IPO11: variants seen among roughly 807,000 people sequenced by gnomAD.
The protein encoded by IPO11 is importin 11.
Under a neutral mutation model 143.2 loss-of-function variants are expected in IPO11, and 66 were observed. That is an observed-to-expected ratio of 0.46 (90% confidence interval 0.38 to 0.57). The LOEUF is 0.57. IPO11 is among the 20% of genes least tolerant of loss of function. The pLI, the probability that IPO11 is intolerant of heterozygous loss-of-function variation, is 0.00. For synonymous variants in IPO11, 385 were observed against 377.8 expected (o/e 1.02, Z -0.22); for missense variants, 1,026 against 1,141.0 (o/e 0.90, Z 1.45).
intron 27 of IPO11, among the ~76,000 whole-genome samples, chr5:62,563,965 A>AGGT (rs1267904660): frequency 6.6e-6 from 1 of 152,198 alleles, no homozygotes; most frequent in African/African-American, 2.4e-5. Context: ...AAAAGTTGTG[A>AGGT]GGTGGTAGCC....
chr5:62,515,389 T>C lies in IPO11; in HGVS notation c.1784T>C (p.Ile595Thr), dbSNP rs1741979492. 1 of 1,595,086 alleles carries C rather than the reference T, an allele frequency of 6.3e-7. No homozygotes were observed. The highest frequency in any genetic ancestry group is 1.4e-5 in the African/African-American group (1 of 73,922). ...SCVIERVNMQ[I>T]RPYVGCLVQY... ...TTTCCTCTACTTATATTGTAATAGA[T>C]ACGACCATATGTGGGATGTTTGGTA... The change falls in exon 20 of 30, where the codon ATA becomes ACA. Residue 595 changes from isoleucine (I) to threonine (T), a missense_variant and splice_region_variant. Ile to Thr is a moderately conservative substitution (Grantham distance 89, BLOSUM62 -1). This residue lies in a region of IPO11 where 237 missense variants were observed against 288.0 expected (regional missense o/e 0.82). Coordinates refer to ENST00000325324, the MANE Select transcript of IPO11 (RefSeq NM_016338.5).
chr5:62,433,152 T>G (rs931296051), intron 1 of IPO11, among the ~76,000 whole-genome samples: 6 of 149,298 alleles, frequency 4.0e-5, no homozygotes, highest in African/African-American at 7.3e-5. Context: ...TTTTGTTTTT[T>G]GTTTTTTTTT....
intron 20 of IPO11, among the ~76,000 whole-genome samples, chr5:62,524,687 C>T (rs1009892313): frequency 6.6e-6 from 1 of 152,090 alleles, no homozygotes; most frequent in East Asian, 1.9e-4. Flanking sequence ...AACATAAGTT[C>T]TGGAGATTTA....
chr5:62,507,643 TTA>T (rs1285820305), intron 19 of IPO11, among the ~76,000 whole-genome samples: 1 of 152,200 alleles, frequency 6.6e-6, no homozygotes, highest in African/African-American at 2.4e-5. Context: ...AAAAAGTTGA[TTA>T]TAAAAACAAG....
chr5:62,435,122 A>G (rs1357773728), intron 1 of IPO11, among the ~76,000 whole-genome samples: 2 of 108,816 alleles, frequency 1.8e-5, no homozygotes, highest in Non-Finnish European at 3.4e-5. Context: ...ATATATGTAT[A>G]TATGTATATA....
chr5:62,465,724 T>C (rs1745551024), intron 5 of IPO11, among the ~76,000 whole-genome samples: 1 of 152,254 alleles, frequency 6.6e-6, no homozygotes, highest in Admixed American at 6.5e-5. Context: ...ACACACAAGA[T>C]GAGGAAGGGC....
chr5:62,498,550 C>G (rs953883436), intron 16 of IPO11, among the ~76,000 whole-genome samples: 1 of 152,160 alleles, frequency 6.6e-6, no homozygotes, highest in Non-Finnish European at 1.5e-5. Context: ...TGTAGGGTTT[C>G]TGAACTAATT....
intron 6 of IPO11, among the ~76,000 whole-genome samples, chr5:62,468,909 A>C (rs899939154): frequency 6.6e-6 from 1 of 152,168 alleles, no homozygotes; most frequent in African/African-American, 2.4e-5. Flanking sequence ...CTGAATTTAC[A>C]CTTACGTGCA....
intron 1 of IPO11, among the ~76,000 whole-genome samples, chr5:62,417,476 C>T (rs1014384492): frequency 2.0e-5 from 3 of 151,966 alleles, no homozygotes; most frequent in African/African-American, 7.3e-5. Flanking sequence ...CTTGTTCGTT[C>T]TTGAAATTTT....
At position 62,515,722 on chromosome 5, in the gene IPO11, A is replaced by C. The variant is rs556968398; in HGVS notation, c.1896+221A>C. On this transcript the variant is annotated intron_variant, in intron 20 of 29. Coordinates refer to ENST00000325324, the MANE Select transcript of IPO11 (RefSeq NM_016338.5). ...GATGTAAAAAATATTATTCACTTTT[A>C]AATGTTGTCTCCAGTGATGATAGAC... Among the ~76,000 whole-genome samples, 306 of 152,182 alleles carry C rather than the reference A, an allele frequency of 2.0e-3. 2 individuals carry two copies. The highest frequency in any genetic ancestry group is 7.2e-3 in the African/African-American group (299 of 41,520).
chr5:62,483,594 A>T (rs182197279), intron 10 of IPO11, among the ~76,000 whole-genome samples: 9 of 152,182 alleles, frequency 5.9e-5, no homozygotes, highest in African/African-American at 2.2e-4. Flanking sequence ...TTGAACAAAT[A>T]AAAGCTTTCT....
At chr5:62,504,411 G>A (rs746750938) in intron 16 of IPO11, among the ~76,000 whole-genome samples, 2 of 152,084 alleles carry the variant, frequency 1.3e-5, no homozygotes, top group Non-Finnish European at 2.9e-5. Context: ...TTCCTGGAAG[G>A]ACCCACTGGA....
intron 5 of IPO11, among the ~76,000 whole-genome samples, chr5:62,460,262 C>T (rs1198338192): frequency 2.6e-5 from 2 of 77,156 alleles, no homozygotes; most frequent in African/African-American, 1.3e-4. Flanking sequence ...GTGCATTTGA[C>T]ATGTCTTACA....
chr5:62,437,571 T>G (rs1416089459), intron 2 of IPO11, among the ~76,000 whole-genome samples, 154 bp downstream of exon 2: 1 of 152,224 alleles, frequency 6.6e-6, no homozygotes, highest in African/African-American at 2.4e-5. Context: ...TTATGACTTC[T>G]TAAGGGTGTT....
chr5:62,443,464 G>A (rs1236443629), intron 3 of IPO11, among the ~76,000 whole-genome samples: 1 of 150,696 alleles, frequency 6.6e-6, no homozygotes, highest in African/African-American at 2.4e-5. Context: ...TGCTTGCAAG[G>A]ATCATGCTGA....
At chr5:62,566,526 A>T (rs990728928) in intron 27 of IPO11, among the ~76,000 whole-genome samples, 2 of 152,048 alleles carry the variant, frequency 1.3e-5, no homozygotes, top group Non-Finnish European at 2.9e-5. Context: ...TAAAGCCAGG[A>T]GTTTGAGACC....
intron 29 of IPO11, among the ~76,000 whole-genome samples, chr5:62,615,719 T>C (rs1388374221): frequency 2.3e-4 from 35 of 152,174 alleles, no homozygotes; most frequent in Non-Finnish European, 1.5e-5. Context: ...TTTTATAAGG[T>C]AACTTGAACA....
At chr5:62,509,475 T>C (rs928824574) in intron 19 of IPO11, among the ~76,000 whole-genome samples, 2 of 152,156 alleles carry the variant, frequency 1.3e-5, no homozygotes, top group Admixed American at 6.6e-5. Context: ...TCAAAGTGCT[T>C]CCCCCACACC....
chr5:62,557,202 A>G (rs1743604154), intron 26 of IPO11, among the ~76,000 whole-genome samples: 1 of 151,246 alleles, frequency 6.6e-6, no homozygotes, highest in African/African-American at 2.4e-5. Flanking sequence ...TTTTTTTTTG[A>G]GACGGAGTTT....
Sources: allele counts gnomAD v4.1 joint callset (sites outside exome capture counted in the v4.1 genomes callset), GRCh38; gene constraint gnomAD v4.1.1; regional missense constraint gnomAD v4.1.1; transcripts MANE v1.5; gene names NCBI Gene and HGNC (gene_info 2026-07-23, HGNC 2026-07-21).